Variants in CCDC102B observed in about 807,000 individuals in gnomAD.
CCDC102B encodes coiled-coil domain containing 102B.
A neutral mutation model predicts 57.4 loss-of-function variants in CCDC102B; 75 were observed. The ratio of observed to expected loss-of-function variants is 1.31; its 90% CI spans 1.08 to 1.58. CCDC102B has a LOEUF of 1.58. CCDC102B is among the 40% of genes most tolerant of loss of function. The probability of loss-of-function intolerance (pLI) is 0.00; values close to 1 mark genes in which losing one functional copy is unlikely to be tolerated. For missense variants in CCDC102B, 636 were observed against 582.6 expected, an observed-to-expected ratio of 1.09 and a Z score of -0.94; for synonymous variants, 206 against 201.9, an observed-to-expected ratio of 1.02 and a Z score of -0.17.
intron 6 of CCDC102B, among the ~76,000 whole-genome samples, chr18:68,912,629 A>G (rs1260456126): frequency 6.6e-6 from 1 of 152,196 alleles, no homozygotes; most frequent in African/African-American, 2.4e-5. Context: ...TTTTTTAGTC[A>G]TTGTATTGAT....
chr18:68,819,877 A>G (rs56250201), intron 1 of CCDC102B, among the ~76,000 whole-genome samples: 1 of 151,924 alleles, frequency 6.6e-6, no homozygotes, highest in Non-Finnish European at 1.5e-5. Flanking sequence ...TTGATGTCTA[A>G]ATATTGGTTT....
chr18:68,761,120 G>A (rs2034241445), intron 2 of CCDC102B, among the ~76,000 whole-genome samples: 1 of 152,016 alleles, frequency 6.6e-6, no homozygotes, highest in Non-Finnish European at 1.5e-5. Flanking sequence ...CTGAGTTTGA[G>A]CACGAAGCTC....
chr18:69,057,284 A>G (rs1178859572), downstream of CCDC102B, among the ~76,000 whole-genome samples: 1 of 152,050 alleles, frequency 6.6e-6, no homozygotes, highest in Non-Finnish European at 1.5e-5. Flanking sequence ...AGCTTAAAAC[A>G]TATTTGTGTT....
chr18:68,797,095 G>A (rs891918550), upstream of CCDC102B, among the ~76,000 whole-genome samples: 1 of 151,976 alleles, frequency 6.6e-6, no homozygotes, highest in African/African-American at 2.4e-5. Context: ...CAAAGATAGA[G>A]GAGAGAGAAT....
chr18:69,035,717 ATAAAG>A (rs978484707), intron 7 of CCDC102B, among the ~76,000 whole-genome samples: 11 of 152,058 alleles, frequency 7.2e-5, no homozygotes, highest in African/African-American at 2.7e-4. Context: ...ACAGTCCTTA[ATAAAG>A]TGGACCAGAA....
intron 7 of CCDC102B, among the ~76,000 whole-genome samples, chr18:69,051,525 T>G (rs1474374086): frequency 6.6e-6 from 1 of 151,998 alleles, no homozygotes; most frequent in African/African-American, 2.4e-5. Flanking sequence ...TTCATGAAAT[T>G]TGCTATGTTG....
At chr18:69,007,178 G>C (rs1055050399) in intron 6 of CCDC102B, among the ~76,000 whole-genome samples, 1 of 151,902 alleles carries the variant, frequency 6.6e-6, no homozygotes. Flanking sequence ...CATTAAGGAA[G>C]CAATGTATTT....
rs574087943 is a variant in CCDC102B, at chr18:68,934,120, G to A, written c.1263+36692G>A. On this transcript the variant is annotated intron_variant, in intron 6 of 7. Coordinates refer to ENST00000360242, the MANE Select transcript of CCDC102B (RefSeq NM_024781.3). ...TCACAGGTAATGAGGCAACTCTCTA[G>A]GCTCTGTACTTATAGTAAACTAGTA... Among the ~76,000 whole-genome samples the A allele has an allele frequency of 2.0e-5, 3 of 151,912 alleles. No individual in the cohort carries two copies. In the East Asian group the frequency reaches 5.8e-4, roughly 30 times the overall value.
Position 68,853,824 on chromosome 18 carries a change from A to T in CCDC102B, c.936+7403A>T, listed in dbSNP as rs1051752995. Among the ~76,000 whole-genome samples, 5 of 152,112 alleles carry T rather than the reference A, an allele frequency of 3.3e-5. No homozygotes were observed. The East Asian group carries it at 5.8e-4, about 18-fold the overall frequency. ...CCAGTGCACACATTGTGCTATAAGC[A>T]CACACACACTTATAATAAAGTGTGT... is the stretch of plus-strand genomic sequence containing the variant. On this transcript the variant is annotated intron_variant, in intron 4 of 7. Transcript: ENST00000360242.
chr18:68,862,973 C>A (rs945057501), intron 4 of CCDC102B, among the ~76,000 whole-genome samples: 3 of 151,982 alleles, frequency 2.0e-5, no homozygotes, highest in Admixed American at 6.6e-5. Context: ...CAGCATGTAT[C>A]TCAAAACATA....
intron 7 of CCDC102B, among the ~76,000 whole-genome samples, chr18:69,026,846 A>G (rs1475397741): frequency 6.6e-6 from 1 of 152,182 alleles, no homozygotes; most frequent in African/African-American, 2.4e-5. Flanking sequence ...CCAAGAACCT[A>G]TGTTCCTGGA....
Position 68,754,056 on chromosome 18 carries a change from T to G in CCDC102B, c.-67+37462T>G, listed in dbSNP as rs191057175. 1.6e-3 allele frequency: 243 copies of G among 152,312 alleles called. 3 individuals are homozygous for G. Among genetic ancestry groups the G allele is most frequent in the African/African-American group, 5.7e-3 (235 of 41,572 alleles). The allele number at this position is 152,312 out of a possible 1,614,324, so 9.4% of individuals were successfully genotyped here. Reference sequence around the variant, plus strand: ...TTCAAAGCCTTTTGATTGTAATCAATCTATCAATACTGTTGTATAGCAGTT... The same window carrying G: ...TTCAAAGCCTTTTGATTGTAATCAAGCTATCAATACTGTTGTATAGCAGTT... On this transcript the variant is annotated intron_variant, in intron 2 of 3. Coordinates refer to the CCDC102B transcript ENST00000578970.
In CCDC102B at chr18:68,788,559, A is replaced by G. The variant is rs1249265386; in HGVS notation, c.-66-34807A>G. 1.3e-4 allele frequency among the ~76,000 whole-genome samples: 19 copies of G among 150,620 alleles called. No individual in the cohort carries two copies. In the East Asian group the frequency reaches 2.7e-3, roughly 22 times the overall value. ...TTAGGATAGTTAGCTCTTCTTGTTG[A>G]ATTGATCCCTTTACCATTATGTAAT... On this transcript the variant is annotated intron_variant, in intron 2 of 3. Transcript: ENST00000578970.
rs1261670621 is a variant in CCDC102B at position 69,035,049 on chromosome 18, CT to C, written c.1435-18977del. Among the ~76,000 whole-genome samples the C allele has an allele frequency of 4.6e-5, 7 of 151,872 alleles. No individual in the cohort carries two copies. In the South Asian group the frequency reaches 1.2e-3, roughly 27 times the overall value. On this transcript the variant is annotated intron_variant, in intron 7 of 7. Coordinates refer to ENST00000360242, the MANE Select transcript of CCDC102B (RefSeq NM_024781.3). ...ATTTATTTATAAGCAAGCATTTTAC[CT>C]TTTGCTCTAAAGAATTTAATTCAAA...
chr18:68,952,089 G>A (rs781469083), intron 6 of CCDC102B, among the ~76,000 whole-genome samples: 2 of 152,058 alleles, frequency 1.3e-5, no homozygotes, highest in Non-Finnish European at 2.9e-5. Flanking sequence ...TGAATTTTAA[G>A]TGAATAAATG....
At chr18:69,037,995 T>G (rs1256675878) in intron 7 of CCDC102B, among the ~76,000 whole-genome samples, 1 of 152,066 alleles carries the variant, frequency 6.6e-6, no homozygotes, top group East Asian at 1.9e-4. Context: ...GATTTTTTAT[T>G]GTAAATTTTA....
At chr18:68,810,676 C>CTTT (rs1171476369) in intron 1 of CCDC102B, among the ~76,000 whole-genome samples, 5 of 57,428 alleles carry the variant, frequency 8.7e-5, no homozygotes, top group Non-Finnish European at 1.6e-4. Flanking sequence ...CTTTTCTTTT[C>CTTT]TTTGTTTTTT....
intron 1 of CCDC102B, among the ~76,000 whole-genome samples, chr18:68,810,862 C>T (rs1252691233): frequency 6.6e-6 from 1 of 151,710 alleles, no homozygotes; most frequent in Non-Finnish European, 1.5e-5. Flanking sequence ...CCCAACAGGC[C>T]CCAGTGTGTG....
intron 6 of CCDC102B, among the ~76,000 whole-genome samples, chr18:68,989,370 A>G (rs1388127784): frequency 1.3e-5 from 2 of 152,260 alleles, no homozygotes; most frequent in African/African-American, 4.8e-5. Flanking sequence ...ACTCATAGGA[A>G]TAAAACTGTC....
Sources: allele counts gnomAD v4.1 joint callset (sites outside exome capture counted in the v4.1 genomes callset), GRCh38; gene constraint gnomAD v4.1.1; transcripts MANE v1.5; gene names NCBI Gene and HGNC (gene_info 2026-07-23, HGNC 2026-07-21).